Variants in TOGARAM1 observed in about 807,000 individuals in gnomAD.
TOGARAM1 encodes the protein TOG array regulator of axonemal microtubules protein 1.
A neutral mutation model predicts 166.6 loss-of-function variants in TOGARAM1; 100 were observed. That is an observed-to-expected ratio of 0.60 (90% CI 0.51 to 0.71). The LOEUF (loss-of-function observed/expected upper bound fraction) is 0.71. Ranked by LOEUF, TOGARAM1 falls within the 30% of genes least tolerant of loss-of-function variation. TOGARAM1 has a pLI of 0.00. For synonymous variants in TOGARAM1, 758 were observed against 763.8 expected (o/e 0.99, Z 0.13); for missense variants, 2,029 against 2,102.7 (o/e 0.96, Z 0.69).
intron 1 of TOGARAM1, 46 bp downstream of exon 1, chr14:44,964,513 A>G (rs767585260): frequency 3.3e-6 from 5 of 1,507,818 alleles, no homozygotes; most frequent in Non-Finnish European, 4.4e-6. Flanking sequence ...AAGAATTTAA[A>G]TGAAAATATG....
Position 45,026,199 on chromosome 14 carries a change from G to A in TOGARAM1, c.3328+327G>A, listed in dbSNP as rs547985726. Among the ~76,000 whole-genome samples the A allele has an allele frequency of 7.2e-5, 11 of 152,002 alleles. No homozygotes were observed. In the East Asian group the frequency reaches 7.7e-4, roughly 11 times the overall value. ...ATTCAAGTAGCCCTTATTTATCAGC[G>A]TAATAATCAATATAAATTAATATAA... is the stretch of plus-strand genomic sequence containing the variant. On this transcript the variant is annotated intron_variant, in intron 8 of 19. Coordinates refer to ENST00000361462, the MANE Select transcript of TOGARAM1 (RefSeq NM_001308120.2).
At position 44,970,009 on chromosome 14, in the gene TOGARAM1, G is replaced by A. The variant is rs183651278; in HGVS notation, c.2046+5542G>A. 4.6e-5 allele frequency among the ~76,000 whole-genome samples: 7 copies of A among 152,248 alleles called. No homozygotes were observed. In the East Asian group the frequency reaches 1.3e-3, roughly 29 times the overall value. On this transcript the variant is annotated intron_variant, in intron 1 of 19. Transcript: ENST00000361462. Reference sequence around the variant, plus strand: ...CTTTGTTGTTTTCCTTCCATGTTGAGTTCACTCTTCTGGGTTTTTTGCCTC... The same window carrying A: ...CTTTGTTGTTTTCCTTCCATGTTGAATTCACTCTTCTGGGTTTTTTGCCTC...
At chr14:44,986,312 C>G (rs1478854574) in intron 1 of TOGARAM1, among the ~76,000 whole-genome samples, 1 of 152,122 alleles carries the variant, frequency 6.6e-6, no homozygotes, top group East Asian at 1.9e-4. Context: ...TTGTTAGAGA[C>G]AGAGCCTTGC....
At chr14:45,065,743 C>T (rs1883110565) in intron 16 of TOGARAM1, among the ~76,000 whole-genome samples, 1 of 152,166 alleles carries the variant, frequency 6.6e-6, no homozygotes, top group South Asian at 2.1e-4. Flanking sequence ...CATTGGTTGA[C>T]ATCTGGGAAC....
At chr14:45,007,288 A>C (rs1485137450) in intron 5 of TOGARAM1, 1 of 151,704 alleles carries the variant, frequency 6.6e-6, no homozygotes, top group Non-Finnish European at 1.5e-5. Flanking sequence ...TAATGATTTA[A>C]AGTAATCACC....
chr14:45,000,905 T>A (rs952340462), intron 3 of TOGARAM1, among the ~76,000 whole-genome samples: 2 of 152,158 alleles, frequency 1.3e-5, no homozygotes, highest in East Asian at 3.9e-4. Flanking sequence ...GGTTAATTTT[T>A]AAATTTTTTG....
intron 11 of TOGARAM1, among the ~76,000 whole-genome samples, chr14:45,035,784 A>G (rs1474266041): frequency 1.3e-5 from 2 of 152,056 alleles, no homozygotes; most frequent in African/African-American, 4.8e-5. Context: ...CTGTCAATCT[A>G]GAATTCTATA....
At chr14:44,993,722 A>G (rs1887262607) in intron 1 of TOGARAM1, among the ~76,000 whole-genome samples, 1 of 152,244 alleles carries the variant, frequency 6.6e-6, no homozygotes, top group African/African-American at 2.4e-5. Flanking sequence ...ACAATCTTCT[A>G]TAGCAAAACT....
At chr14:45,069,251 C>T (rs1464917919) in intron 18 of TOGARAM1, among the ~76,000 whole-genome samples, 1 of 151,976 alleles carries the variant, frequency 6.6e-6, no homozygotes, top group Non-Finnish European at 1.5e-5. Flanking sequence ...TGCCTGTAAT[C>T]CCAGCTACCC....
rs1883515937 is a variant in TOGARAM1 at position 45,074,395 on chromosome 14, A to T, written c.*834A>T. 1 of 152,616 alleles carries T rather than the reference A, an allele frequency of 6.6e-6. No individual in the cohort carries two copies. The highest frequency in any genetic ancestry group is 1.5e-5 in the Non-Finnish European group (1 of 68,036). 9.5% of individuals were successfully genotyped at this position (152,616 alleles called of 1,614,324 possible). On this transcript the variant is annotated 3_prime_UTR_variant, in exon 20 of 20. Transcript: ENST00000361462. ...AGTACTGTATGCATCTTTAAAAAGAAAAGGAATGTTATAAAATAAAAGGAT... is the reference window on the plus strand; with the variant it reads ...AGTACTGTATGCATCTTTAAAAAGATAAGGAATGTTATAAAATAAAAGGAT...
Position 44,992,833 on chromosome 14 carries a change from G to A in TOGARAM1, c.2047-2913G>A, listed in dbSNP as rs1034600188. On this transcript the variant is annotated intron_variant, in intron 1 of 19. Transcript: ENST00000361462. Reference sequence around the variant, plus strand: ...GGGTTTTCACCGTGTTAGCCAGGATGGTCTCGATCTCCTGACCTCGTGATC... The same window carrying A: ...GGGTTTTCACCGTGTTAGCCAGGATAGTCTCGATCTCCTGACCTCGTGATC... Among the ~76,000 whole-genome samples the A allele has an allele frequency of 4.6e-5, 7 of 151,438 alleles. 1 individual carries two copies. Among genetic ancestry groups the A allele is most frequent in the Non-Finnish European group, 4.4e-5 (3 of 67,844 alleles).
intron 1 of TOGARAM1, among the ~76,000 whole-genome samples, chr14:44,985,579 A>G (rs1246027748): frequency 6.6e-6 from 1 of 152,162 alleles, no homozygotes; most frequent in East Asian, 1.9e-4. Context: ...TGCTCCTATG[A>G]GAATCTAATA....
chr14:45,008,444 G>A (rs1298489485), intron 5 of TOGARAM1, among the ~76,000 whole-genome samples: 1 of 151,876 alleles, frequency 6.6e-6, no homozygotes, highest in Non-Finnish European at 1.5e-5. Context: ...TACGTACAGT[G>A]ATCTGTAATT....
intron 7 of TOGARAM1, among the ~76,000 whole-genome samples, chr14:45,017,660 G>A (rs890603066): frequency 1.3e-5 from 2 of 152,238 alleles, no homozygotes; most frequent in South Asian, 4.1e-4. Context: ...GAGGTGGGTG[G>A]ATCACCTGAG....
At chr14:45,038,187 T>C (rs896228429) in intron 11 of TOGARAM1, among the ~76,000 whole-genome samples, 5 of 152,132 alleles carry the variant, frequency 3.3e-5, no homozygotes, top group Admixed American at 3.3e-4. Context: ...GATTACAGGC[T>C]TAGGTCACTG....
chr14:45,015,294 G>C (rs370816534), intron 7 of TOGARAM1, among the ~76,000 whole-genome samples: 1 of 150,734 alleles, frequency 6.6e-6, no homozygotes, highest in South Asian at 2.1e-4. Flanking sequence ...GACAGAGCAA[G>C]AGCCTATCTC....
chr14:45,073,178 C>A, intron 19 of TOGARAM1, 118 bp from the exon 20 acceptor site: 1 of 1,036,764 alleles, frequency 9.6e-7, no homozygotes, highest in Non-Finnish European at 1.3e-6. Context: ...AGAAGCCTAA[C>A]TTTTTAGGAC....
At chr14:44,968,500 G>A (rs1010465392) in intron 1 of TOGARAM1, among the ~76,000 whole-genome samples, 4 of 152,066 alleles carry the variant, frequency 2.6e-5, no homozygotes, top group African/African-American at 4.8e-5. Flanking sequence ...TGCCCGCCTC[G>A]GCCTCCCAAA....
At position 45,052,418 on chromosome 14, in the gene TOGARAM1, T is replaced by G. The variant is rs1882419056; in HGVS notation, c.4314-18T>G. ...TAATGTCTAAAAAGTAATATACCTG[T>G]TTTTCAAATACTCACAGGTATTATG... On this transcript the variant is annotated intron_variant, in intron 14 of 19. Transcript: ENST00000361462. The G allele has an allele frequency of 2.5e-6, 4 of 1,601,262 alleles. No homozygotes were observed. The East Asian group carries it at 9.0e-5, about 36-fold the overall frequency.
Sources: allele counts gnomAD v4.1 joint callset (sites outside exome capture counted in the v4.1 genomes callset), GRCh38; gene constraint gnomAD v4.1.1; transcripts MANE v1.5; gene names NCBI Gene and HGNC (gene_info 2026-07-23, HGNC 2026-07-21).